Variants in PCDHGA5 observed in about 807,000 individuals in gnomAD.
The protein encoded by PCDHGA5 is protocadherin gamma subfamily A, 5, also known as protocadherin gamma-A5.
A neutral mutation model predicts 56.7 loss-of-function variants in PCDHGA5; 36 were observed. That is an observed-to-expected ratio of 0.64 (90% CI 0.49 to 0.84). The LOEUF is 0.84. Ranked by LOEUF, PCDHGA5 falls within the 40% of genes least tolerant of loss-of-function variation. The pLI is 0.00. For synonymous variants in PCDHGA5, 563 were observed against 520.2 expected (o/e 1.08, Z -1.12); for missense variants, 1,305 against 1,201.5 (o/e 1.09, Z -1.27).
intron 1 of PCDHGA5, among the ~76,000 whole-genome samples, chr5:141,444,275 G>A (rs1427489988): frequency 7.1e-6 from 1 of 141,698 alleles, no homozygotes; most frequent in Non-Finnish European, 1.5e-5. Flanking sequence ...AGGTTCAAGT[G>A]ATTCTCCTGC....
At chr5:141,478,118 G>C in intron 1 of PCDHGA5, 2 of 1,614,048 alleles carry the variant, frequency 1.2e-6, no homozygotes, top group African/African-American at 1.3e-5. Context: ...GTCAGTAACC[G>C]AGGACTCTCC....
At chr5:141,392,834 C>T in intron 1 of PCDHGA5, 2 of 1,607,664 alleles carry the variant, frequency 1.2e-6, no homozygotes, top group Non-Finnish European at 1.7e-6. Flanking sequence ...CACAGAGTCG[C>T]CCCAGACGCG....
chr5:141,382,882 A>G, intron 1 of PCDHGA5: 1 of 1,528,134 alleles, frequency 6.5e-7, no homozygotes, highest in Non-Finnish European at 8.8e-7. Context: ...GCGCCTAAGC[A>G]AGAGAAGCAG....
chr5:141,409,106 A>T (rs1474106494), intron 1 of PCDHGA5: 1 of 1,613,930 alleles, frequency 6.2e-7, no homozygotes, highest in East Asian at 2.2e-5. Context: ...AGGTATGATT[A>T]AGAATAACCA....
Position 141,432,502 on chromosome 5 carries a change from C to T in PCDHGA5, c.2422-62305C>T. On this transcript the variant is annotated intron_variant, in intron 1 of 3. Transcript: ENST00000518069. This position sits in a 1 kb window ranked among gnomAD's most constrained non-coding sequence, Gnocchi z 6.0. ...CTGGCGTGGAGCTGGCTCCCCGCTC[C>T]GCAGAGCCCGGCTACCTGGTGACCA... 6.2e-7 allele frequency: 1 copy of T among 1,614,142 alleles called. No individual in the cohort carries two copies. The highest frequency in any genetic ancestry group is 8.5e-7 in the Non-Finnish European group (1 of 1,180,042).
intron 1 of PCDHGA5, among the ~76,000 whole-genome samples, chr5:141,483,124 G>A (rs1468216170): frequency 6.6e-6 from 1 of 152,154 alleles, no homozygotes; most frequent in East Asian, 1.9e-4. Flanking sequence ...GTCTTTGTAG[G>A]AGATGAGGTG....
Position 141,490,693 on chromosome 5 carries a change from G to C in PCDHGA5, c.2422-4114G>C. 2 of 1,614,170 alleles carry C rather than the reference G, an allele frequency of 1.2e-6. No homozygotes were observed. Among genetic ancestry groups the C allele is most frequent in the Non-Finnish European group, 1.7e-6 (2 of 1,180,018 alleles). ...GGCTGCCTCAGATCCAGACACTGGG[G>C]ATAATGCCCGCCTCACCTACTCCAT... is the stretch of plus-strand genomic sequence containing the variant. On this transcript the variant is annotated intron_variant, in intron 1 of 3. Coordinates refer to ENST00000518069, the MANE Select transcript of PCDHGA5 (RefSeq NM_018918.3). This position sits in a 1 kb window ranked among gnomAD's most constrained non-coding sequence, Gnocchi z 5.4.
In PCDHGA5 at chr5:141,398,692, A is replaced by G. The variant is rs150385715; in HGVS notation, c.2421+31941A>G. 1.9e-3 allele frequency: 3,041 copies of G among 1,613,942 alleles called. 6 individuals carry two copies. Among genetic ancestry groups the G allele is most frequent in the Non-Finnish European group, 2.3e-3 (2,760 of 1,179,898 alleles). On this transcript the variant is annotated intron_variant, in intron 1 of 3. Coordinates refer to ENST00000518069, the MANE Select transcript of PCDHGA5 (RefSeq NM_018918.3). The stretch of plus-strand genomic sequence containing the variant: ...AATAATTAAGGAGAAACAGGATGGT[A>G]GTAAATACCCGGAACTGGCACTGGA...
intron 1 of PCDHGA5, among the ~76,000 whole-genome samples, chr5:141,405,770 G>C (rs989163026): frequency 1.3e-5 from 2 of 152,032 alleles, no homozygotes; most frequent in East Asian, 3.9e-4. Context: ...GAGCCACTGC[G>C]CCTGGCCCTT....
At chr5:141,472,778 G>T (rs1244170163) in intron 1 of PCDHGA5, among the ~76,000 whole-genome samples, 1 of 151,878 alleles carries the variant, frequency 6.6e-6, no homozygotes, top group Non-Finnish European at 1.5e-5. Flanking sequence ...CTGAGGTTGG[G>T]AGTTCAAGAT....
At chr5:141,436,611 C>T (rs893312137) in intron 1 of PCDHGA5, among the ~76,000 whole-genome samples, 1 of 152,126 alleles carries the variant, frequency 6.6e-6, no homozygotes, top group Non-Finnish European at 1.5e-5. Context: ...CTAGGGCTAA[C>T]AAAAATCTGA....
intron 1 of PCDHGA5, among the ~76,000 whole-genome samples, chr5:141,397,628 A>T (rs2093548217): frequency 6.6e-6 from 1 of 152,242 alleles, no homozygotes; most frequent in Non-Finnish European, 1.5e-5. Flanking sequence ...AGTTCTAGCT[A>T]AGAGTTCAAG....
At chr5:141,498,709 A>G (rs1245852373) in intron 2 of PCDHGA5, among the ~76,000 whole-genome samples, 2 of 152,148 alleles carry the variant, frequency 1.3e-5, no homozygotes, top group African/African-American at 4.8e-5. Context: ...AGGTGGGTGG[A>G]TCACCTGAGG....
chr5:141,423,880 G>C, intron 1 of PCDHGA5: 1 of 1,282,292 alleles, frequency 7.8e-7, no homozygotes, highest in Non-Finnish European at 9.9e-7. Context: ...TTTCAATCTT[G>C]GCATATTTTC....
chr5:141,415,284 G>T (rs186109113), intron 1 of PCDHGA5: 1 of 1,614,198 alleles, frequency 6.2e-7, no homozygotes, highest in East Asian at 2.2e-5. Context: ...CGGTGGCCGC[G>T]GTCTCCTGCG....
chr5:141,442,227 T>G (rs953690152), intron 1 of PCDHGA5: 16 of 153,240 alleles, frequency 1.0e-4, no homozygotes, highest in African/African-American at 3.6e-4. Context: ...TTAATTTCCT[T>G]TTTATTCTTC....
intron 1 of PCDHGA5, among the ~76,000 whole-genome samples, chr5:141,492,167 C>T (rs565536989): frequency 6.6e-6 from 1 of 152,344 alleles, no homozygotes; most frequent in East Asian, 1.9e-4. Context: ...CCTATCCCCG[C>T]ATCACCCAAC....
At chr5:141,494,522 G>C (rs2099754911) in intron 1 of PCDHGA5, among the ~76,000 whole-genome samples, 1 of 152,196 alleles carries the variant, frequency 6.6e-6, no homozygotes, top group Non-Finnish European at 1.5e-5. Flanking sequence ...CAGGAGTTCT[G>C]ACTCTGGGGG....
Position 141,485,072 on chromosome 5 carries a change from G to C in PCDHGA5, c.2422-9735G>C. 1.1e-6 allele frequency: 1 copy of C among 917,012 alleles called. No individual in the cohort carries two copies. The highest frequency in any genetic ancestry group is 1.7e-6 in the Non-Finnish European group (1 of 587,880). 56.8% of individuals were successfully genotyped at this position (917,012 alleles called of 1,614,324 possible). On this transcript the variant is annotated intron_variant, in intron 1 of 3. Coordinates refer to ENST00000518069, the MANE Select transcript of PCDHGA5 (RefSeq NM_018918.3). The surrounding 1 kb of genome is among the most constrained non-coding windows in gnomAD (Gnocchi z 5.7). ...CCGGCCGAACCGCGCCAGAGCTGGCGCGGGGAAAGGGAGATAGGTGTCTCC... is the reference window on the plus strand; with the variant it reads ...CCGGCCGAACCGCGCCAGAGCTGGCCCGGGGAAAGGGAGATAGGTGTCTCC...
Sources: gnomAD v4.1 joint callset for allele counts (sites outside exome capture counted in the v4.1 genomes callset) on GRCh38, gnomAD v4.1.1 for gene constraint, Gnocchi (gnomAD v3.1) non-coding constraint, MANE v1.5 for transcripts, NCBI Gene and HGNC (gene_info 2026-07-23, HGNC 2026-07-21) for gene names.